The following DDR1 variants were observed in gnomAD, a reference collection of about 807,000 sequenced individuals.
DDR1 encodes the protein epithelial discoidin domain-containing receptor 1.
In DDR1, 64 loss-of-function variants were observed where a neutral mutation model predicts 97.4. That is an observed-to-expected ratio of 0.66 (90% CI 0.54 to 0.81). DDR1 has a LOEUF of 0.81. DDR1 is among the 30% of genes least tolerant of loss of function. The pLI is 0.00. For synonymous variants in DDR1, 458 were observed against 503.7 expected, an observed-to-expected ratio of 0.91 and a Z score of 1.21; for missense variants, 990 against 1,259.6, an observed-to-expected ratio of 0.79 and a Z score of 3.24.
In DDR1 at chr6:30,899,781, G is replaced by C; in HGVS notation, c.*485G>C. 2.9e-6 allele frequency: 1 copy of C among 340,836 alleles called. No individual in the cohort carries two copies. The allele number at this position is 340,836 out of a possible 1,614,324, so 21.1% of individuals were successfully genotyped here. On this transcript the variant is annotated 3_prime_UTR_variant, in exon 18 of 18. Transcript: ENST00000376568. ...GAAGGAGAGGAAAATGTTTCCTTGT[G>C]CCTGCTCCTGTACTTGTCCTCAGCT...
In DDR1 at chr6:30,890,884, T is replaced by C; in HGVS notation, c.418-89T>C. Reference sequence around the variant, plus strand: ...CCCTCATGGGTCTCTAAGTGGCCACTGTGGGCTGGGCCAGGGAGCAGCTGG... The same window carrying C: ...CCCTCATGGGTCTCTAAGTGGCCACCGTGGGCTGGGCCAGGGAGCAGCTGG... On this transcript the variant is annotated intron_variant, in intron 4 of 17. Transcript: ENST00000376568. This position sits in a 1 kb window ranked among gnomAD's most constrained non-coding sequence, Gnocchi z 5.0. 1 of 1,431,752 alleles carries C rather than the reference T, an allele frequency of 7.0e-7. No individual in the cohort carries two copies. Among genetic ancestry groups the C allele is most frequent in the Non-Finnish European group, 9.3e-7 (1 of 1,072,178 alleles). The allele number at this position is 1,431,752 out of a possible 1,614,324, so 88.7% of individuals were successfully genotyped here. A position where few individuals can be genotyped will look rare whatever the true frequency, so the allele number is the denominator to read the frequency against.
At chr6:30,885,421 G>A (rs1785430900) in intron 1 of DDR1, 1 of 846,256 alleles carries the variant, frequency 1.2e-6, no homozygotes, top group East Asian at 2.7e-5. Context: ...GGCAGGGAAA[G>A]GCTGTTGTCC....
At position 30,893,078 on chromosome 6, in the gene DDR1, C is replaced by G. The variant is rs758586403; in HGVS notation, c.1110C>G (p.Asn370Lys). 3.1e-6 allele frequency: 5 copies of G among 1,612,454 alleles called. No individual in the cohort carries two copies. In the East Asian group the frequency reaches 8.9e-5, roughly 29 times the overall value. ...GTTCCTTCTCCCCAGATGTGGTGAACAATTCCTCTCCGGCACTGGGAGGCA... is the reference window on the plus strand; with the variant it reads ...GTTCCTTCTCCCCAGATGTGGTGAAGAATTCCTCTCCGGCACTGGGAGGCA... ...SEISFISDVV[N>K]NSSPALGGTF... The change falls in exon 9 of 18, where the codon AAC becomes AAG. Residue 370 changes from asparagine to lysine, a missense_variant. Transcript: ENST00000376568.
At chr6:30,887,291 TG>T (rs1340595407) in intron 1 of DDR1, among the ~76,000 whole-genome samples, 7 of 152,254 alleles carry the variant, frequency 4.6e-5, no homozygotes, top group African/African-American at 1.7e-4. Context: ...AAAGTCAAAA[TG>T]ATTTTCATAT....
At position 30,891,527 on chromosome 6, in the gene DDR1, C is replaced by CTGTGTGTGTG. The variant is rs9281074; in HGVS notation, c.665+69_665+78dup. ...ATGGAGTTTGGGGTGGGAGGGAGGACTGTGTGTGTGTGTGTGTGTGTGTGT... is the reference window on the plus strand; with the variant it reads ...ATGGAGTTTGGGGTGGGAGGGAGGACTGTGTGTGTGTGTGTGTGTGTGTGTGTGTGTGTGT... On this transcript the variant is annotated intron_variant, in intron 6 of 17. Coordinates refer to ENST00000376568, the MANE Select transcript of DDR1 (RefSeq NM_001297654.2). The surrounding 1 kb of genome is among the most constrained non-coding windows in gnomAD (Gnocchi z 5.3). 61 of 798,284 alleles carry CTGTGTGTGTG rather than the reference C, an allele frequency of 7.6e-5. No homozygotes were observed. The highest frequency in any genetic ancestry group is 2.4e-4 in the Admixed American group (11 of 46,576). 49.5% of individuals were successfully genotyped at this position (798,284 alleles called of 1,614,324 possible).
intron 8 of DDR1, 26 bp downstream of exon 8, chr6:30,892,568 C>T (rs1271906708): frequency 1.3e-6 from 2 of 1,537,162 alleles, no homozygotes; most frequent in Middle Eastern, 1.8e-4. Flanking sequence ...GCCCAGTCTC[C>T]AGTCCCTGAA....
chr6:30,891,893 G>T lies in DDR1; in HGVS notation c.666-109G>T. The stretch of plus-strand genomic sequence containing the variant: ...GGGATGGGAATGGGACTAGTGGATG[G>T]GAGCCAGGCTGGCCATGCCACTGTG... On this transcript the variant is annotated intron_variant, in intron 6 of 17. Coordinates refer to ENST00000376568, the MANE Select transcript of DDR1 (RefSeq NM_001297654.2). This position sits in a 1 kb window ranked among gnomAD's most constrained non-coding sequence, Gnocchi z 5.3. 8.1e-7 allele frequency: 1 copy of T among 1,235,226 alleles called. No homozygotes were observed. The highest frequency in any genetic ancestry group is 1.2e-6 in the Non-Finnish European group (1 of 857,236). The allele number at this position is 1,235,226 out of a possible 1,614,324, so 76.5% of individuals were successfully genotyped here.
chr6:30,889,611 C>CT lies in DDR1; in HGVS notation c.417+194dup, dbSNP rs771727883. On this transcript the variant is annotated intron_variant, in intron 4 of 17. Coordinates refer to ENST00000376568, the MANE Select transcript of DDR1 (RefSeq NM_001297654.2). The surrounding 1 kb of genome is among the most constrained non-coding windows in gnomAD (Gnocchi z 4.9). ...CTTTTGGATTTCTCCACTTAGATGT[C>CT]TTTTTTTTTTTTTCTAATAGATGGG... Among the ~76,000 whole-genome samples the CT allele has an allele frequency of 1.1e-3, 167 of 146,060 alleles. No homozygotes were observed. The highest frequency in any genetic ancestry group is 4.4e-3 in the South Asian group (20 of 4,586).
At position 30,889,182 on chromosome 6, in the gene DDR1, G is replaced by C. The variant is rs986450271; in HGVS notation, c.189-20G>C. On this transcript the variant is annotated intron_variant, in intron 3 of 17. Coordinates refer to ENST00000376568, the MANE Select transcript of DDR1 (RefSeq NM_001297654.2). This position sits in a 1 kb window ranked among gnomAD's most constrained non-coding sequence, Gnocchi z 4.9. The stretch of plus-strand genomic sequence containing the variant: ...GCAGACCTGGGGCCAGATGTTCTCT[G>C]TGCCCCTCTTCACCCTCAGGTTGGA... 2 of 1,608,650 alleles carry C rather than the reference G, an allele frequency of 1.2e-6. No individual in the cohort carries two copies. Among genetic ancestry groups the C allele is most frequent in the African/African-American group, 1.3e-5 (1 of 74,958 alleles).
At chr6:30,895,681 TG>T (rs1790501011) in intron 12 of DDR1, among the ~76,000 whole-genome samples, 167 bp downstream of exon 12, 1 of 152,170 alleles carries the variant, frequency 6.6e-6, no homozygotes, top group African/African-American at 2.4e-5. Flanking sequence ...TGCTGCTGCT[TG>T]CTCTTTTTTA....
At chr6:30,887,328 A>G (rs1391240276) in intron 1 of DDR1, among the ~76,000 whole-genome samples, 2 of 152,372 alleles carry the variant, frequency 1.3e-5, no homozygotes, top group South Asian at 2.1e-4. Context: ...ATGATTTTAC[A>G]TAAATGCATT....
Position 30,899,193 on chromosome 6 carries a change from T to C in DDR1, c.2639T>C (p.Leu880Pro), listed in dbSNP as rs1267224577. The part of the protein sequence containing the change: ...LSRPPACPQG[L>P]YELMLRCWSR... ...CGGCCGCCTGCCTGCCCGCAGGGCC[T>C]ATATGAGCTGATGCTTCGGTGCTGG... The change falls in exon 18 of 18, where the codon CTA becomes CCA. Residue 880 changes from leucine (L) to proline (P), a missense_variant. Physicochemically the swap from Leu to Pro is moderately conservative, Grantham distance 98 (BLOSUM62 -3). Coordinates refer to ENST00000376568, the MANE Select transcript of DDR1 (RefSeq NM_001297654.2). The C allele has an allele frequency of 1.2e-6, 2 of 1,614,104 alleles. No homozygotes were observed. The highest frequency in any genetic ancestry group is 2.7e-5 in the African/African-American group (2 of 74,936).
Position 30,898,227 on chromosome 6 carries a change from C to T in DDR1, c.2371C>T (p.Leu791Phe). Residue 791 changes from leucine to phenylalanine, a missense_variant, in exon 16 of 18, where the codon CTC (leucine) becomes TTC (phenylalanine). By Grantham distance (22) the Leu-to-Phe change is conservative. Transcript: ENST00000376568. ...CGCAGACTTTGGCATGAGCCGGAACCTCTATGCTGGGGACTATTACCGTGT... is the reference window on the plus strand; with the variant it reads ...CGCAGACTTTGGCATGAGCCGGAACTTCTATGCTGGGGACTATTACCGTGT... ...KIADFGMSRN[L>F]YAGDYYRVQG... The T allele has an allele frequency of 6.2e-7, 1 of 1,614,258 alleles. No homozygotes were observed. Among genetic ancestry groups the T allele is most frequent in the Non-Finnish European group, 8.5e-7 (1 of 1,180,052 alleles).
In DDR1 at chr6:30,892,532, C is replaced by A; in HGVS notation, c.1089C>A (p.Ser363=). 6.3e-7 allele frequency: 1 copy of A among 1,590,936 alleles called. No homozygotes were observed. ...CCTGGTTACTCTTCAGCGAAATCTC[C>A]TTCATCTCTGGTAAGCCCTGGAGTA... ...AGPWLLFSEI[S]FISDVVNNSS... The change falls in exon 8 of 18, where the codon TCC becomes TCA. Residue 363 remains serine (S), a synonymous_variant. Coordinates refer to ENST00000376568, the MANE Select transcript of DDR1 (RefSeq NM_001297654.2).
chr6:30,891,551 G>GTGTGTGTGTGTGTT lies in DDR1; in HGVS notation c.665+78_665+79insTGTGTGTTTGTGTG, dbSNP rs1562384812. 22 of 951,236 alleles carry GTGTGTGTGTGTGTT rather than the reference G, an allele frequency of 2.3e-5. No homozygotes were observed. In the African/African-American group the frequency reaches 2.9e-4, roughly 13 times the overall value. The allele number at this position is 951,236 out of a possible 1,614,324, so 58.9% of individuals were successfully genotyped here. A position where few individuals can be genotyped will look rare whatever the true frequency, so the allele number is the denominator to read the frequency against. ...ACTGTGTGTGTGTGTGTGTGTGTGT[G>GTGTGTGTGTGTGTT]TGTGTGAGAGTGTGTGTGTGTAGGG... On this transcript the variant is annotated intron_variant, in intron 6 of 17. Coordinates refer to ENST00000376568, the MANE Select transcript of DDR1 (RefSeq NM_001297654.2). This position sits in a 1 kb window ranked among gnomAD's most constrained non-coding sequence, Gnocchi z 5.3.
At position 30,899,223 on chromosome 6, in the gene DDR1, G is replaced by A. The variant is rs761510617; in HGVS notation, c.2669G>A (p.Arg890Gln). 2.5e-6 allele frequency: 4 copies of A among 1,614,194 alleles called. No homozygotes were observed. The highest frequency in any genetic ancestry group is 3.4e-6 in the Non-Finnish European group (4 of 1,180,034). ...GAGCTGATGCTTCGGTGCTGGAGCC[G>A]GGAGTCTGAGCAGCGACCACCCTTT... Reference protein sequence around the residue: ...LYELMLRCWSRESEQRPPFSQ... With the variant: ...LYELMLRCWSQESEQRPPFSQ... The change falls in exon 18 of 18, where the codon CGG (arginine) becomes CAG (glutamine). Residue 890 changes from arginine (R) to glutamine (Q), a missense_variant. Coordinates refer to ENST00000376568, the MANE Select transcript of DDR1 (RefSeq NM_001297654.2).
In DDR1 at chr6:30,897,012, AG is replaced by A. The variant is rs1791077008; in HGVS notation, c.1870del. 6.2e-7 allele frequency: 1 copy of A among 1,609,520 alleles called. No homozygotes were observed. ...GCCTAGCAAACGAACTTCTTTCTCC[AG>A]GTGCACCTGTGTGAGGTCGACAGCC... On this transcript the variant is annotated splice_acceptor_variant, in intron 13 of 17. Coordinates refer to ENST00000376568, the MANE Select transcript of DDR1 (RefSeq NM_001297654.2). LOFTEE classifies it high-confidence loss of function. This position sits in a 1 kb window ranked among gnomAD's most constrained non-coding sequence, Gnocchi z 5.2.
At chr6:30,893,004 C>A in intron 8 of DDR1, 64 bp from the exon 9 acceptor site, 1 of 1,400,634 alleles carries the variant, frequency 7.1e-7, no homozygotes, top group Non-Finnish European at 1.0e-6. Context: ...AGTCCACTGC[C>A]TCTGCCTCCC....
In DDR1 at chr6:30,899,960, A is replaced by G. The variant is rs1402310232; in HGVS notation, c.*664A>G. 1 of 564,094 alleles carries G rather than the reference A, an allele frequency of 1.8e-6. No individual in the cohort carries two copies. The highest frequency in any genetic ancestry group is 3.4e-6 in the Non-Finnish European group (1 of 291,280). 34.9% of individuals were successfully genotyped at this position (564,094 alleles called of 1,614,324 possible). On this transcript the variant is annotated 3_prime_UTR_variant, in exon 18 of 18. Transcript: ENST00000376568. ...GAGTAAATATTGGGATTGGGGGGAA[A>G]GAGGGAGCAACGGCCCATAGCCTTG...
Sources: gnomAD v4.1 joint callset for allele counts (sites outside exome capture counted in the v4.1 genomes callset) on GRCh38, gnomAD v4.1.1 for gene constraint, Gnocchi (gnomAD v3.1) non-coding constraint, MANE v1.5 for transcripts, NCBI Gene and HGNC (gene_info 2026-07-23, HGNC 2026-07-21) for gene names.